The following UGT2A1 variants were observed in gnomAD, a reference collection of about 807,000 sequenced individuals.
UGT2A1 encodes the protein UDP glucuronosyltransferase family 2 member A1 complex locus.
In UGT2A1, 61 loss-of-function variants were observed where a neutral mutation model predicts 45.4. The observed-to-expected ratio is 1.34, with a 90% CI of 1.09 to 1.66. UGT2A1 has a LOEUF of 1.66. Among genes scored for constraint, UGT2A1 ranks in the 40% most tolerant of loss-of-function variants. The probability of loss-of-function intolerance (pLI) is 0.00; values close to 1 mark genes in which losing one functional copy is unlikely to be tolerated. For missense variants in UGT2A1, 649 were observed against 574.3 expected, an observed-to-expected ratio of 1.13 and a Z score of -1.33; for synonymous variants, 229 against 196.2, an observed-to-expected ratio of 1.17 and a Z score of -1.40.
rs187183893 is a variant in UGT2A1, at chr4:69,619,545, A to G, written c.847+16146T>C. ...TAAAGAAGACTCTAAAAATAATGAT[A>G]TACCCAGAAATAAATCTAACATAAA... is the stretch of plus-strand genomic sequence containing the variant. On this transcript the variant is annotated intron_variant, in intron 3 of 6. Coordinates refer to ENST00000286604, the MANE Select transcript of UGT2A1 (RefSeq NM_001252275.3). 6.6e-5 allele frequency among the ~76,000 whole-genome samples: 10 copies of G among 152,144 alleles called. 1 individual carries two copies. The highest frequency in any genetic ancestry group is 2.2e-4 in the African/African-American group (9 of 41,546).
intron 6 of UGT2A1, among the ~76,000 whole-genome samples, chr4:69,589,928 A>C (rs1718493487): frequency 6.6e-6 from 1 of 152,218 alleles, no homozygotes; most frequent in Non-Finnish European, 1.5e-5. Context: ...ATTTTTCCAA[A>C]AATAATTTTG....
rs767333883 is a variant in UGT2A1, at chr4:69,647,005, T to C, written c.640A>G (p.Ile214Val). Reference protein sequence around the residue: ...MSFTDRIRNFISYHLQDYMFE... With the variant: ...MSFTDRIRNFVSYHLQDYMFE... ...ATGTAGTCCTGTAGGTGGTAGGAGA[T>C]GAAATTTCTTATTCTGTCAGTGAAA... The change falls in exon 2 of 7, where the codon ATC becomes GTC. Residue 214 changes from isoleucine (I) to valine (V), a missense_variant. Coordinates refer to ENST00000286604, the MANE Select transcript of UGT2A1 (RefSeq NM_001252275.3). The C allele has an allele frequency of 2.5e-6, 4 of 1,612,440 alleles. No homozygotes were observed. Among genetic ancestry groups the C allele is most frequent in the East Asian group, 2.2e-5 (1 of 44,856 alleles).
At chr4:69,601,186 C>T (rs555530029) in intron 3 of UGT2A1, among the ~76,000 whole-genome samples, 1 of 152,110 alleles carries the variant, frequency 6.6e-6, no homozygotes, top group Non-Finnish European at 1.5e-5. Flanking sequence ...GCAGCAGAGG[C>T]GGCTGCACTT....
intron 3 of UGT2A1, among the ~76,000 whole-genome samples, chr4:69,630,251 T>TC (rs1253262498): frequency 6.6e-6 from 1 of 152,112 alleles, no homozygotes; most frequent in African/African-American, 2.4e-5. Context: ...TTCATTTTTT[T>TC]CTCCTGCAAT....
chr4:69,589,778 G>T (rs1212392064), intron 6 of UGT2A1, 127 bp from the exon 7 acceptor site: 1 of 1,345,086 alleles, frequency 7.4e-7, no homozygotes, highest in Non-Finnish European at 1.0e-6. Context: ...TATAATTCTT[G>T]CATGAACTTT....
intron 6 of UGT2A1, among the ~76,000 whole-genome samples, chr4:69,592,913 G>C (rs1464762075): frequency 6.6e-6 from 1 of 151,998 alleles, no homozygotes; most frequent in Non-Finnish European, 1.5e-5. Context: ...AAAATAATTT[G>C]TAAGAATACA....
chr4:69,603,801 G>A lies in UGT2A1; in HGVS notation c.848-4407C>T, dbSNP rs925262024. On this transcript the variant is annotated intron_variant, in intron 3 of 6. Coordinates refer to ENST00000286604, the MANE Select transcript of UGT2A1 (RefSeq NM_001252275.3). ...GCCTCAGTAGCCGATTCAATCAACT[G>A]GAAGAAAGGGTATCAGTGATGGAAG... is the stretch of plus-strand genomic sequence containing the variant. Among the ~76,000 whole-genome samples, 2 of 136,852 alleles carry A rather than the reference G, an allele frequency of 1.5e-5. 1 individual carries two copies. Among genetic ancestry groups the A allele is most frequent in the Non-Finnish European group, 3.1e-5 (2 of 64,388 alleles). 89.8% of individuals were successfully genotyped at this position (136,852 alleles called of 152,430 possible). A position where few individuals can be genotyped will look rare whatever the true frequency, so the allele number is the denominator to read the frequency against.
At chr4:69,649,984 T>C (rs918315815) in intron 1 of UGT2A1, among the ~76,000 whole-genome samples, 1 of 152,104 alleles carries the variant, frequency 6.6e-6, no homozygotes, top group Non-Finnish European at 1.5e-5. Flanking sequence ...AAATCTTTTT[T>C]TGTGTGCCAT....
At chr4:69,635,849 A>AAAAAAAAAAAAAAAAAAAAGAG (rs772370302) in intron 2 of UGT2A1, 27 bp from the exon 3 acceptor site, 2 of 118,512 alleles carry the variant, frequency 1.7e-5, no homozygotes, top group African/African-American at 8.0e-5. Context: ...AAAAAAAAAA[A>AAAAAAAAAAAAAAAAAAAAGAG]AGAGAGAGAG....
intron 3 of UGT2A1, among the ~76,000 whole-genome samples, chr4:69,620,019 G>T (rs1294329878): frequency 1.3e-5 from 2 of 151,896 alleles, no homozygotes; most frequent in Non-Finnish European, 2.9e-5. Context: ...CAAACCCCCA[G>T]CCAACACCAT....
rs1333188977 is a variant in UGT2A1, at chr4:69,606,747, CA to C, written c.848-7354del. On this transcript the variant is annotated intron_variant, in intron 3 of 6. Coordinates refer to ENST00000286604, the MANE Select transcript of UGT2A1 (RefSeq NM_001252275.3). ...AGTCTCAGGATACAAAATCAATGTGCAAAAATCACAAGCATTCTTATACACC... is the reference window on the plus strand; with the variant it reads ...AGTCTCAGGATACAAAATCAATGTGCAAAATCACAAGCATTCTTATACACC... 1.5e-5 allele frequency among the ~76,000 whole-genome samples: 2 copies of C among 136,534 alleles called. 1 individual carries two copies. The highest frequency in any genetic ancestry group is 3.1e-5 in the Non-Finnish European group (2 of 64,258). The allele number at this position is 136,534 out of a possible 152,430, so 89.6% of individuals were successfully genotyped here.
rs369701259 is a variant in UGT2A1, at chr4:69,594,476, C to G, written c.1304+1G>C. On this transcript the variant is annotated splice_donor_variant, in intron 6 of 6. Transcript: ENST00000286604. LOFTEE classifies it high-confidence loss of function. ...AAGTTTTTAGGAGCCTTAGTACTTACGAAGGTTCATTAATGACTGTTCTCA... is the reference window on the plus strand; with the variant it reads ...AAGTTTTTAGGAGCCTTAGTACTTAGGAAGGTTCATTAATGACTGTTCTCA... 68 of 1,613,864 alleles carry G rather than the reference C, an allele frequency of 4.2e-5. No individual in the cohort carries two copies. The highest frequency in any genetic ancestry group is 5.1e-5 in the Non-Finnish European group (60 of 1,179,970).
chr4:69,648,869 C>G (rs368220029), intron 1 of UGT2A1, among the ~76,000 whole-genome samples: 9 of 151,996 alleles, frequency 5.9e-5, no homozygotes, highest in African/African-American at 2.2e-4. Context: ...TTAAGGATCT[C>G]TGACTCCCAC....
At chr4:69,639,507 A>C (rs769968064) in intron 2 of UGT2A1, 1 of 1,613,388 alleles carries the variant, frequency 6.2e-7, no homozygotes, top group Non-Finnish European at 8.5e-7. Context: ...AATAATCTTA[A>C]TATTTAACCA....
chr4:69,592,717 A>C (rs1473143669), intron 6 of UGT2A1, among the ~76,000 whole-genome samples: 1 of 152,122 alleles, frequency 6.6e-6, no homozygotes, highest in African/African-American at 2.4e-5. Context: ...AGAGGAAAAC[A>C]TACCAAAATA....
intron 3 of UGT2A1, among the ~76,000 whole-genome samples, chr4:69,607,180 T>A (rs1719680113): frequency 6.7e-6 from 1 of 149,788 alleles, no homozygotes; most frequent in Non-Finnish European, 1.5e-5. Context: ...ACTGCAAGGC[T>A]ACAGTAACCA....
At chr4:69,640,285 A>G (rs113977947) in intron 2 of UGT2A1, among the ~76,000 whole-genome samples, 3 of 87,690 alleles carry the variant, frequency 3.4e-5, no homozygotes, top group African/African-American at 1.4e-4. Context: ...CAGTTTTCTC[A>G]AAGAAAAATG....
At chr4:69,624,346 CCTTTTT>C (rs1720917934) in intron 3 of UGT2A1, among the ~76,000 whole-genome samples, 1 of 151,264 alleles carries the variant, frequency 6.6e-6, no homozygotes, top group Admixed American at 6.6e-5. Flanking sequence ...TTATTTTTCA[CCTTTTT>C]CTTTATGAGT....
chr4:69,592,044 A>G lies in UGT2A1; in HGVS notation c.1305-2393T>C, dbSNP rs921202444. Among the ~76,000 whole-genome samples, 3 of 152,202 alleles carry G rather than the reference A, an allele frequency of 2.0e-5. No individual in the cohort carries two copies. The East Asian group carries it at 5.8e-4, about 29-fold the overall frequency. On this transcript the variant is annotated intron_variant, in intron 6 of 6. Transcript: ENST00000286604. ...TGGACAACCAGGGCTGAGTCTTGGTATGAATCTAAACCAACTGTTGAGTGT... is the reference window on the plus strand; with the variant it reads ...TGGACAACCAGGGCTGAGTCTTGGTGTGAATCTAAACCAACTGTTGAGTGT...
Sources: allele counts gnomAD v4.1 joint callset (sites outside exome capture counted in the v4.1 genomes callset), GRCh38; gene constraint gnomAD v4.1.1; transcripts MANE v1.5; gene names NCBI Gene and HGNC (gene_info 2026-07-23, HGNC 2026-07-21).